Variants in EFNA5 observed in about 807,000 individuals in gnomAD.
EFNA5 encodes ephrin A5.
EFNA5 carries 5 observed loss-of-function variants against 22.9 expected under a neutral mutation model. The observed-to-expected ratio is 0.22, with a 90% confidence interval of 0.11 to 0.46. The LOEUF (loss-of-function observed/expected upper bound fraction) is 0.46, where lower values mean the gene tolerates loss of function less well. Ranked by LOEUF, EFNA5 falls within the 20% of genes least tolerant of loss-of-function variation. The pLI, the probability that EFNA5 is intolerant of heterozygous loss-of-function variation, is 0.99. For missense variants in EFNA5, 237 were observed against 293.3 expected (o/e 0.81, Z 1.40); for synonymous variants, 113 against 112.2 (o/e 1.01, Z -0.04).
chr5:107,467,717 A>G (rs1420591791), intron 1 of EFNA5, among the ~76,000 whole-genome samples: 1 of 152,142 alleles, frequency 6.6e-6, no homozygotes, highest in Non-Finnish European at 1.5e-5. Flanking sequence ...AGTCAGAGTC[A>G]GCAGGAAAAG....
chr5:107,544,623 A>C (rs1347493012), intron 1 of EFNA5, among the ~76,000 whole-genome samples: 2 of 152,192 alleles, frequency 1.3e-5, no homozygotes, highest in Non-Finnish European at 2.9e-5. Flanking sequence ...ACTTTGAAGG[A>C]ATAAGAGCAA....
At chr5:107,659,710 G>A (rs1023574561) in intron 1 of EFNA5, among the ~76,000 whole-genome samples, 1 of 151,684 alleles carries the variant, frequency 6.6e-6, no homozygotes. Flanking sequence ...AAGACGTAAT[G>A]ATAATAGTCA....
chr5:107,442,953 A>T (rs765923948), intron 1 of EFNA5, among the ~76,000 whole-genome samples: 4 of 137,426 alleles, frequency 2.9e-5, no homozygotes, highest in Non-Finnish European at 6.3e-5. Flanking sequence ...AAAAAAAAAA[A>T]CCCTGTGAAT....
chr5:107,384,336 G>A (rs1747552180), intron 4 of EFNA5, among the ~76,000 whole-genome samples: 1 of 152,142 alleles, frequency 6.6e-6, no homozygotes, highest in South Asian at 2.1e-4. Context: ...GAACACTAGC[G>A]ATATTTTGGA....
intron 2 of EFNA5, among the ~76,000 whole-genome samples, chr5:107,420,528 AAAAAAAAAAAAAG>A (rs796671265): frequency 2.6e-4 from 28 of 106,836 alleles, no homozygotes; most frequent in East Asian, 1.1e-3. Flanking sequence ...CTTTTAAAAA[AAAAAAAAAAAAAG>A]AAAAAAAAAA....
intron 1 of EFNA5, among the ~76,000 whole-genome samples, chr5:107,476,057 T>TATATATATATATATATATATGTA: frequency 2.0e-5 from 2 of 100,422 alleles, no homozygotes; most frequent in African/African-American, 5.0e-5. Flanking sequence ...TATATATATA[T>TATATATATATATATATATATGTA]TTTTTTTTTT....
chr5:107,577,886 G>A (rs1011920741), intron 1 of EFNA5, among the ~76,000 whole-genome samples: 6 of 152,148 alleles, frequency 3.9e-5, no homozygotes, highest in African/African-American at 1.4e-4. Context: ...CTTTTTTGGA[G>A]CGCGGGGGTT....
intron 1 of EFNA5, among the ~76,000 whole-genome samples, chr5:107,432,442 T>C (rs1748988674): frequency 6.6e-6 from 1 of 152,216 alleles, no homozygotes; most frequent in Non-Finnish European, 1.5e-5. Flanking sequence ...TCTCTTTATG[T>C]CTTATCCTTA....
chr5:107,575,464 G>A (rs748215150), intron 1 of EFNA5, among the ~76,000 whole-genome samples: 3 of 152,126 alleles, frequency 2.0e-5, no homozygotes, highest in Non-Finnish European at 4.4e-5. Context: ...CACCAAGACT[G>A]CTTTTCATAC....
chr5:107,560,656 G>C (rs140065840), intron 1 of EFNA5, among the ~76,000 whole-genome samples: 45 of 152,304 alleles, frequency 3.0e-4, no homozygotes, highest in African/African-American at 1.0e-3. Flanking sequence ...AGGACAAGTG[G>C]CTTAACGTTG....
intron 1 of EFNA5, among the ~76,000 whole-genome samples, chr5:107,607,799 C>A (rs1049816909): frequency 1.3e-5 from 2 of 152,072 alleles, no homozygotes; most frequent in South Asian, 2.1e-4. Context: ...TCACAAAGGG[C>A]CTCACCTTGC....
intron 1 of EFNA5, among the ~76,000 whole-genome samples, chr5:107,614,800 T>C (rs1749881473): frequency 6.6e-6 from 1 of 152,182 alleles, no homozygotes; most frequent in South Asian, 2.1e-4. Context: ...AGTCATATAA[T>C]AAACAGATCT....
intron 1 of EFNA5, among the ~76,000 whole-genome samples, chr5:107,481,610 C>T (rs573862258): frequency 2.0e-5 from 3 of 151,482 alleles, no homozygotes; most frequent in South Asian, 2.1e-4. Context: ...CCAGCACTTT[C>T]GGAGGCCAAG....
At chr5:107,562,769 A>G (rs910860151) in intron 1 of EFNA5, among the ~76,000 whole-genome samples, 1 of 152,238 alleles carries the variant, frequency 6.6e-6, no homozygotes, top group African/African-American at 2.4e-5. Context: ...AAAATAGAAA[A>G]GAGAGCTTCC....
At chr5:107,386,946 A>G (rs1273403023) in intron 4 of EFNA5, among the ~76,000 whole-genome samples, 1 of 152,212 alleles carries the variant, frequency 6.6e-6, no homozygotes, top group Non-Finnish European at 1.5e-5. Flanking sequence ...CTCTGAGGAT[A>G]TGGTAAAAGG....
chr5:107,524,919 C>T (rs974113629), intron 1 of EFNA5, among the ~76,000 whole-genome samples: 1 of 152,176 alleles, frequency 6.6e-6, no homozygotes, highest in Admixed American at 6.6e-5. Flanking sequence ...TAGTAGCATG[C>T]AAGCTCCCAG....
intron 1 of EFNA5, among the ~76,000 whole-genome samples, chr5:107,511,002 T>TGTGTGTGTG (rs1747355604): frequency 7.1e-6 from 1 of 140,300 alleles, no homozygotes; most frequent in African/African-American, 2.7e-5. Context: ...TTCTTTTTCT[T>TGTGTGTGTG]TGTGTGTGTG....
At chr5:107,475,129 C>T (rs528803736) in intron 1 of EFNA5, among the ~76,000 whole-genome samples, 3 of 152,202 alleles carry the variant, frequency 2.0e-5, no homozygotes, top group Non-Finnish European at 4.4e-5. Context: ...ATTTGTAACA[C>T]GCTCCCTGTT....
intron 1 of EFNA5, among the ~76,000 whole-genome samples, chr5:107,437,656 C>T (rs886909966): frequency 1.3e-5 from 2 of 152,178 alleles, no homozygotes; most frequent in Non-Finnish European, 2.9e-5. Context: ...ACACTTAGCA[C>T]CATGTTTGCA....
Sources: gnomAD v4.1 joint callset for allele counts (sites outside exome capture counted in the v4.1 genomes callset) on GRCh38, gnomAD v4.1.1 for gene constraint, MANE v1.5 for transcripts, NCBI Gene and HGNC (gene_info 2026-07-23, HGNC 2026-07-21) for gene names.